The following ROBO1 variants were observed in gnomAD, a reference collection of about 807,000 sequenced individuals.
ROBO1 encodes roundabout homolog 1.
In ROBO1, 149 loss-of-function variants were observed where a neutral mutation model predicts 195.9. The ratio of observed to expected loss-of-function variants is 0.76; its 90% CI spans 0.67 to 0.87. ROBO1 has a LOEUF of 0.87. Among genes scored for constraint, ROBO1 ranks in the 40% least tolerant of loss-of-function variants. ROBO1 has a pLI of 0.00. For synonymous variants in ROBO1, 816 were observed against 733.2 expected (o/e 1.11, Z -1.82); for missense variants, 1,933 against 2,068.3 (o/e 0.93, Z 1.27).
At chr3:78,752,616 T>G (rs1182528528) in intron 4 of ROBO1, among the ~76,000 whole-genome samples, 3 of 152,146 alleles carry the variant, frequency 2.0e-5, no homozygotes, top group Non-Finnish European at 4.4e-5. Context: ...TATTAAATAA[T>G]TTCAAACTTT....
intron 3 of ROBO1, among the ~76,000 whole-genome samples, chr3:79,068,842 G>T (rs1248397291): frequency 6.6e-6 from 1 of 151,736 alleles, no homozygotes; most frequent in African/African-American, 2.4e-5. Context: ...CAATGAAATG[G>T]AAATCTTCCT....
rs879706798 is a variant in ROBO1 at position 78,937,988 on chromosome 3, TGA to T, written c.499+611_499+612del. 174 of 102,550 alleles carry T rather than the reference TGA, an allele frequency of 1.7e-3. 2 individuals are homozygous for T. The highest frequency in any genetic ancestry group is 2.8e-3 in the South Asian group (8 of 2,880). The allele number at this position is 102,550 out of a possible 1,614,324, so 6.4% of individuals were successfully genotyped here. Reference sequence around the variant, plus strand: ...ATGTAGCTATGGATAAGAGAGAGAGTGAGTGTGTGTGTGTGTGTGTGTGTGTG... The same window carrying T: ...ATGTAGCTATGGATAAGAGAGAGAGTGTGTGTGTGTGTGTGTGTGTGTGTG... On this transcript the variant is annotated intron_variant, in intron 4 of 30. Coordinates refer to ENST00000464233, the MANE Select transcript of ROBO1 (RefSeq NM_002941.4).
chr3:78,889,737 G>A (rs2036781009), intron 4 of ROBO1, among the ~76,000 whole-genome samples: 1 of 151,174 alleles, frequency 6.6e-6, no homozygotes, highest in Non-Finnish European at 1.5e-5. Flanking sequence ...AACGAGTGGG[G>A]AAAGTCAGTC....
At chr3:79,389,996 T>C (rs76304611) in intron 2 of ROBO1, among the ~76,000 whole-genome samples, 5,224 of 152,198 alleles carry the variant, frequency 0.034, 200 homozygotes, top group African/African-American at 0.098. Context: ...AGGATGATAA[T>C]AATGATGATG....
chr3:78,916,432 C>T (rs1163077545), intron 4 of ROBO1, among the ~76,000 whole-genome samples: 1 of 148,924 alleles, frequency 6.7e-6, no homozygotes, highest in Non-Finnish European at 1.5e-5. Flanking sequence ...GGTGCCTGTA[C>T]TCCCAGCTAT....
At chr3:78,997,329 G>C (rs1401858899) in intron 3 of ROBO1, among the ~76,000 whole-genome samples, 2 of 152,056 alleles carry the variant, frequency 1.3e-5, no homozygotes, top group African/African-American at 2.4e-5. Flanking sequence ...CTGACCACTA[G>C]CATATAGGTT....
At chr3:79,008,930 T>C (rs2077700178) in intron 3 of ROBO1, among the ~76,000 whole-genome samples, 1 of 143,784 alleles carries the variant, frequency 7.0e-6, no homozygotes, top group Non-Finnish European at 1.5e-5. Flanking sequence ...TGTGTGTGTG[T>C]ATGGTTTTGT....
chr3:79,123,595 A>G (rs1195662279), intron 3 of ROBO1, among the ~76,000 whole-genome samples: 1 of 151,996 alleles, frequency 6.6e-6, no homozygotes, highest in Non-Finnish European at 1.5e-5. Context: ...AGTAATCAAG[A>G]ATTTTCCAAA....
chr3:79,519,823 A>G (rs7623809), intron 2 of ROBO1, among the ~76,000 whole-genome samples: 110,378 of 151,488 alleles, frequency 0.73, 41,348 homozygotes, highest in African/African-American at 0.92. Context: ...AAGGTAGGCA[A>G]GTACTTGAGA....
intron 3 of ROBO1, among the ~76,000 whole-genome samples, chr3:78,961,737 T>A (rs368499138): frequency 1.2e-4 from 19 of 152,264 alleles, no homozygotes; most frequent in Admixed American, 8.5e-4. Context: ...TAATGTAAAA[T>A]AGTGCAATGG....
At chr3:78,821,123 G>A (rs1030221382) in intron 4 of ROBO1, among the ~76,000 whole-genome samples, 11 of 149,334 alleles carry the variant, frequency 7.4e-5, no homozygotes, top group African/African-American at 2.7e-4. Flanking sequence ...TTCTATTACT[G>A]TAGAGATAAG....
At chr3:78,959,682 A>T (rs1576470176) in intron 3 of ROBO1, among the ~76,000 whole-genome samples, 1 of 152,194 alleles carries the variant, frequency 6.6e-6, no homozygotes, top group South Asian at 2.1e-4. Flanking sequence ...TATACCATAG[A>T]TTTGCTAAAA....
Position 78,648,039 on chromosome 3 carries a change from C to T in ROBO1, c.2813-384G>A, listed in dbSNP as rs1258090694. Among the ~76,000 whole-genome samples the T allele has an allele frequency of 3.9e-5, 6 of 151,908 alleles. No individual in the cohort carries two copies. In the East Asian group the frequency reaches 9.7e-4, roughly 25 times the overall value. On this transcript the variant is annotated intron_variant, in intron 19 of 30. Transcript: ENST00000464233. The stretch of plus-strand genomic sequence containing the variant: ...AAGTATTATCAGAGTCTTGCTGGAA[C>T]CTTATCTAGAAATCTGAAAGTAAAT...
intron 1 of ROBO1, among the ~76,000 whole-genome samples, chr3:79,661,424 C>T (rs1461484164): frequency 1.3e-5 from 2 of 152,060 alleles, no homozygotes; most frequent in African/African-American, 4.8e-5. Context: ...TTATTTTAGT[C>T]TTACTAAAGT....
chr3:79,618,847 C>T (rs937750542), intron 1 of ROBO1, among the ~76,000 whole-genome samples: 1 of 152,170 alleles, frequency 6.6e-6, no homozygotes, highest in East Asian at 1.9e-4. Context: ...TCCAGCCTCT[C>T]GTGCTACCCT....
chr3:79,222,364 T>C (rs1337938453), intron 2 of ROBO1, among the ~76,000 whole-genome samples: 1 of 152,058 alleles, frequency 6.6e-6, no homozygotes, highest in African/African-American at 2.4e-5. Context: ...ATTTCTTATA[T>C]TTTTGCCAAT....
chr3:78,922,608 T>C (rs112188216), intron 4 of ROBO1, among the ~76,000 whole-genome samples: 12 of 140,400 alleles, frequency 8.5e-5, no homozygotes, highest in East Asian at 7.9e-4. Context: ...TCTTCTTCTT[T>C]TTTTTTTTTT....
At chr3:79,742,987 C>T (rs1171064012) in intron 1 of ROBO1, among the ~76,000 whole-genome samples, 1 of 152,114 alleles carries the variant, frequency 6.6e-6, no homozygotes, top group Admixed American at 6.6e-5. Context: ...AATGTATTAG[C>T]CCATTGTGCT....
At chr3:79,046,782 G>A (rs1250664447) in intron 3 of ROBO1, among the ~76,000 whole-genome samples, 1 of 152,078 alleles carries the variant, frequency 6.6e-6, no homozygotes, top group Non-Finnish European at 1.5e-5. Flanking sequence ...TGACTCAAAT[G>A]TTAAACTCTT....
Sources: allele counts gnomAD v4.1 joint callset (sites outside exome capture counted in the v4.1 genomes callset), GRCh38; gene constraint gnomAD v4.1.1; transcripts MANE v1.5; gene names NCBI Gene and HGNC (gene_info 2026-07-23, HGNC 2026-07-21).